DAP: variants seen among roughly 807,000 people sequenced by gnomAD.
DAP encodes the protein death associated protein.
DAP carries 8 observed loss-of-function variants against 13.8 expected under a neutral mutation model. The observed-to-expected ratio is 0.58, with a 90% CI of 0.34 to 1.05. DAP has a LOEUF of 1.05. Among genes scored for constraint, DAP ranks in the 50% least tolerant of loss-of-function variants. DAP has a pLI of 0.03. For missense variants in DAP, 106 were observed against 133.2 expected, an observed-to-expected ratio of 0.80 and a Z score of 1.01; for synonymous variants, 47 against 47.5, an observed-to-expected ratio of 0.99 and a Z score of 0.04.
At chr5:10,754,346 T>C (rs572971436) in intron 1 of DAP, among the ~76,000 whole-genome samples, 4 of 152,236 alleles carry the variant, frequency 2.6e-5, no homozygotes, top group East Asian at 1.9e-4. Flanking sequence ...GTAGAAGTAA[T>C]GGTTTGTGCT....
chr5:10,712,552 T>C (rs62337599), intron 2 of DAP, among the ~76,000 whole-genome samples: 26,793 of 152,048 alleles, frequency 0.18, 2,641 homozygotes, highest in East Asian at 0.29. Flanking sequence ...GAGTAGATTC[T>C]GGCCTCTCAG....
intron 2 of DAP, among the ~76,000 whole-genome samples, chr5:10,723,806 C>T (rs145435130): frequency 3.1e-4 from 47 of 152,266 alleles, no homozygotes; most frequent in Non-Finnish European, 5.4e-4. Flanking sequence ...TTATCTTCAT[C>T]TTCATTACAA....
intron 2 of DAP, 27 bp from the exon 3 acceptor site, chr5:10,683,598 ATT>A: frequency 1.2e-6 from 2 of 1,612,158 alleles, no homozygotes; most frequent in Non-Finnish European, 1.7e-6. Flanking sequence ...GAAAAGGCAG[ATT>A]TAACAAAACA....
chr5:10,747,545 C>T (rs1278342140), intron 2 of DAP, among the ~76,000 whole-genome samples: 1 of 152,256 alleles, frequency 6.6e-6, no homozygotes, highest in African/African-American at 2.4e-5. Context: ...GCTACACAGA[C>T]AGCCAGGTCC....
At chr5:10,760,040 C>T (rs1740300562) in intron 1 of DAP, among the ~76,000 whole-genome samples, 2 of 152,086 alleles carry the variant, frequency 1.3e-5, no homozygotes, top group South Asian at 4.1e-4. Context: ...CAGGCATGAG[C>T]CACCGCGCCT....
chr5:10,744,562 G>T (rs1216917055), intron 2 of DAP, among the ~76,000 whole-genome samples: 1 of 152,214 alleles, frequency 6.6e-6, no homozygotes, highest in East Asian at 1.9e-4. Context: ...TTTACAGAGA[G>T]ATCAGGATTG....
At chr5:10,757,341 C>G (rs2111402931) in intron 1 of DAP, among the ~76,000 whole-genome samples, 1 of 152,136 alleles carries the variant, frequency 6.6e-6, no homozygotes, top group Middle Eastern at 3.4e-3. Context: ...GTGGTGTGAT[C>G]CTGGCTCACC....
intron 2 of DAP, among the ~76,000 whole-genome samples, chr5:10,746,171 T>G (rs1482980905): frequency 6.6e-6 from 1 of 152,176 alleles, no homozygotes; most frequent in Non-Finnish European, 1.5e-5. Flanking sequence ...AGCAGTAATA[T>G]CCTCCTAGAC....
intron 2 of DAP, among the ~76,000 whole-genome samples, chr5:10,735,207 C>T (rs1026015660): frequency 6.6e-6 from 1 of 152,012 alleles, no homozygotes; most frequent in Non-Finnish European, 1.5e-5. Flanking sequence ...CTCTGGAGGC[C>T]GAAGTTAATC....
intron 2 of DAP, 51 bp downstream of exon 2, chr5:10,748,124 C>T: frequency 7.8e-7 from 1 of 1,279,310 alleles, no homozygotes; most frequent in Non-Finnish European, 1.1e-6. Context: ...TAATGCTTAA[C>T]CGAATAGGGT....
intron 2 of DAP, among the ~76,000 whole-genome samples, chr5:10,701,950 T>C (rs1390594621): frequency 6.6e-6 from 1 of 152,246 alleles, no homozygotes; most frequent in Non-Finnish European, 1.5e-5. Flanking sequence ...TCCACCTTGA[T>C]ACTTGAGCCA....
chr5:10,757,462 C>T (rs1406774399), intron 1 of DAP, among the ~76,000 whole-genome samples: 13 of 152,032 alleles, frequency 8.6e-5, no homozygotes, highest in African/African-American at 3.1e-4. Flanking sequence ...TTGGTAGAGA[C>T]GGGGTTTCAC....
chr5:10,694,913 A>G (rs559464710), intron 2 of DAP, among the ~76,000 whole-genome samples: 1 of 152,304 alleles, frequency 6.6e-6, no homozygotes, highest in South Asian at 2.1e-4. Context: ...CTCAGAATCC[A>G]TAGCTTTGTG....
chr5:10,705,576 A>G (rs553863166), intron 2 of DAP, among the ~76,000 whole-genome samples: 3 of 152,368 alleles, frequency 2.0e-5, no homozygotes, highest in Admixed American at 2.0e-4. Context: ...GCAGGGCCAC[A>G]TGCCCTCATG....
chr5:10,737,801 A>C (rs1203658831), intron 2 of DAP, among the ~76,000 whole-genome samples: 2 of 152,248 alleles, frequency 1.3e-5, no homozygotes, highest in African/African-American at 4.8e-5. Context: ...CCTAACTCCC[A>C]GTACTTCAGA....
At chr5:10,728,755 G>A (rs898748155) in intron 2 of DAP, among the ~76,000 whole-genome samples, 4 of 152,168 alleles carry the variant, frequency 2.6e-5, no homozygotes, top group African/African-American at 4.8e-5. Flanking sequence ...GCTAACCCAC[G>A]AAGAAGGTCT....
chr5:10,709,402 G>A (rs1346595347), intron 2 of DAP, among the ~76,000 whole-genome samples: 1 of 152,188 alleles, frequency 6.6e-6, no homozygotes, highest in African/African-American at 2.4e-5. Flanking sequence ...CCAAACGCAG[G>A]ACACTCCCAG....
intron 2 of DAP, among the ~76,000 whole-genome samples, chr5:10,704,198 C>T (rs1040857066): frequency 1.3e-5 from 2 of 152,172 alleles, no homozygotes; most frequent in African/African-American, 4.8e-5. Context: ...TTATAAAAAT[C>T]ATATATAGTG....
chr5:10,737,069 G>C (rs925603142), intron 2 of DAP, among the ~76,000 whole-genome samples: 2 of 152,218 alleles, frequency 1.3e-5, no homozygotes, highest in Admixed American at 6.5e-5. Flanking sequence ...AGCTGAGCCA[G>C]GTACGGTGGC....
Sources: gnomAD v4.1 joint callset for allele counts (sites outside exome capture counted in the v4.1 genomes callset) on GRCh38, gnomAD v4.1.1 for gene constraint, MANE v1.5 for transcripts, NCBI Gene and HGNC (gene_info 2026-07-23, HGNC 2026-07-21) for gene names.